RGS8: variants seen among roughly 807,000 people sequenced by gnomAD.
RGS8 encodes the protein regulator of G-protein signaling 8.
Under a neutral mutation model 21.7 loss-of-function variants are expected in RGS8, and 8 were observed. The ratio of observed to expected loss-of-function variants is 0.37; its 90% CI spans 0.22 to 0.66. RGS8 has a LOEUF of 0.66. RGS8 is among the 30% of genes least tolerant of loss of function. The pLI, the probability that RGS8 is intolerant of heterozygous loss-of-function variation, is 0.59. For synonymous variants in RGS8, 80 were observed against 83.6 expected (o/e 0.96, Z 0.24); for missense variants, 157 against 217.9 (o/e 0.72, Z 1.76).
rs573191260 is a variant in RGS8, at chr1:182,665,825, C to T, written c.193+144G>A. On this transcript the variant is annotated intron_variant, in intron 5 of 6. Coordinates refer to ENST00000483095, the Ensembl canonical transcript of RGS8. ...TTCATTTTCTTTTCTATATGCTCCTCTAGGCAGGAGGCTCTGTGAGAGCGG... is the reference window on the plus strand; with the variant it reads ...TTCATTTTCTTTTCTATATGCTCCTTTAGGCAGGAGGCTCTGTGAGAGCGG... The T allele has an allele frequency of 4.0e-4, 243 of 610,316 alleles. 1 individual carries two copies. The highest frequency in any genetic ancestry group is 1.9e-3 in the Middle Eastern group (7 of 3,714). The allele number at this position is 610,316 out of a possible 1,614,324, so 37.8% of individuals were successfully genotyped here.
intron 4 of RGS8, 85 bp downstream of exon 5, chr1:182,666,787 C>A: frequency 1.0e-6 from 1 of 964,818 alleles, no homozygotes; most frequent in Non-Finnish European, 1.7e-6. Context: ...TTTCCAGTGG[C>A]TCATCTGGTC....
chr1:182,739,457 G>A, the RGS8 span, among the ~76,000 whole-genome samples: 13 of 152,234 alleles, frequency 8.5e-5, no homozygotes, highest in Admixed American at 4.6e-4. Context: ...GTTTTTAAAG[G>A]CACACCAGCA....
chr1:182,674,870 A>G (rs1664306218), upstream of RGS8, among the ~76,000 whole-genome samples: 1 of 152,154 alleles, frequency 6.6e-6, no homozygotes, highest in Admixed American at 6.5e-5. Flanking sequence ...ACAGGAACAC[A>G]GTGATTGCAA....
At chr1:182,725,967 T>C in the RGS8 span, among the ~76,000 whole-genome samples, 4 of 152,234 alleles carry the variant, frequency 2.6e-5, no homozygotes, top group Non-Finnish European at 5.9e-5. Flanking sequence ...AGTTAATAAA[T>C]GATGAACACT....
At chr1:182,705,562 T>G in the RGS8 span, among the ~76,000 whole-genome samples, 1 of 135,568 alleles carries the variant, frequency 7.4e-6, no homozygotes, top group African/African-American at 2.9e-5. Context: ...ATCTAGAACA[T>G]GCAGCATTGA....
chr1:182,698,061 T>C, the RGS8 span, among the ~76,000 whole-genome samples: 1 of 152,202 alleles, frequency 6.6e-6, no homozygotes, highest in Non-Finnish European at 1.5e-5. Flanking sequence ...CCCTTGACTT[T>C]TTCTAGAATG....
At chr1:182,722,769 G>A in the RGS8 span, among the ~76,000 whole-genome samples, 6 of 152,076 alleles carry the variant, frequency 3.9e-5, no homozygotes, top group Non-Finnish European at 8.8e-5. Context: ...GAGGTCAGGA[G>A]ATTGAGACCA....
At chr1:182,685,619 G>A (rs558151586), upstream of RGS8, among the ~76,000 whole-genome samples, 2 of 152,280 alleles carry the variant, frequency 1.3e-5, no homozygotes, top group African/African-American at 2.4e-5. Context: ...TGGAGGGAGG[G>A]AACAGGAGGC....
chr1:182,681,937 C>A (rs1014440548), intron 1 of RGS8, among the ~76,000 whole-genome samples: 1 of 152,154 alleles, frequency 6.6e-6, no homozygotes, highest in African/African-American at 2.4e-5. Context: ...AGAACACTGA[C>A]CAATTCCATG....
chr1:182,649,464 C>A (rs949224383), intron 5 of RGS8, among the ~76,000 whole-genome samples: 4 of 152,062 alleles, frequency 2.6e-5, no homozygotes, highest in African/African-American at 7.2e-5. Flanking sequence ...ACCTTTTATT[C>A]CATGTGTCCT....
In RGS8 at chr1:182,669,596, G is replaced by A. The variant is rs989352712; in HGVS notation, c.26+28C>T. 3.0e-5 allele frequency: 49 copies of A among 1,614,080 alleles called. 1 individual carries two copies. Among genetic ancestry groups the A allele is most frequent in the Non-Finnish European group, 1.8e-5 (21 of 1,180,024 alleles). ...TGGAGAAAAGAGGAAAGGGTCAGGG[G>A]CAAGAAAACAGGCCATTGATTCATT... On this transcript the variant is annotated intron_variant, in intron 3 of 6. Coordinates refer to ENST00000483095, the Ensembl canonical transcript of RGS8.
the RGS8 span, among the ~76,000 whole-genome samples, chr1:182,740,548 G>GTTTTTTTTTTTTTTTT: frequency 1.8e-4 from 14 of 75,966 alleles, no homozygotes; most frequent in East Asian, 1.1e-3. Context: ...TTGTTTGTTT[G>GTTTTTTTTTTTTTTTT]TTTTTTTTTT....
intron 5 of RGS8, among the ~76,000 whole-genome samples, chr1:182,653,381 ATT>A (rs796993544): frequency 2.1e-5 from 3 of 144,114 alleles, no homozygotes; most frequent in African/African-American, 7.6e-5. Context: ...GAGGAAAGAG[ATT>A]TTTTTTTTTT....
chr1:182,659,290 C>A (rs1663461069), intron 5 of RGS8, among the ~76,000 whole-genome samples: 1 of 152,134 alleles, frequency 6.6e-6, no homozygotes, highest in African/African-American at 2.4e-5. Context: ...CCTGTATCTG[C>A]AACTATTATA....
upstream of RGS8, among the ~76,000 whole-genome samples, chr1:182,673,215 A>C (rs1320463120): frequency 6.6e-6 from 1 of 152,230 alleles, no homozygotes; most frequent in Non-Finnish European, 1.5e-5. Flanking sequence ...ATGGCTTTAT[A>C]ATAATGGAAA....
chr1:182,697,502 G>A, the RGS8 span, among the ~76,000 whole-genome samples: 2 of 152,204 alleles, frequency 1.3e-5, no homozygotes, highest in South Asian at 2.1e-4. Context: ...GAACCCCTTC[G>A]GCTATTGTTA....
At chr1:182,743,353 C>T in the RGS8 span, among the ~76,000 whole-genome samples, 5 of 152,038 alleles carry the variant, frequency 3.3e-5, no homozygotes, top group Admixed American at 6.6e-5. Flanking sequence ...CATGGAGCAC[C>T]GAGAATTGTA....
upstream of RGS8, among the ~76,000 whole-genome samples, chr1:182,686,096 C>T (rs1055618928): frequency 2.0e-5 from 3 of 152,114 alleles, no homozygotes; most frequent in African/African-American, 7.2e-5. Flanking sequence ...TGTCGACAAG[C>T]AGAGTCGACT....
intron 5 of RGS8, among the ~76,000 whole-genome samples, chr1:182,659,831 A>G (rs1166252021): frequency 6.6e-6 from 1 of 152,092 alleles, no homozygotes; most frequent in Non-Finnish European, 1.5e-5. Context: ...AAAAAAAGGG[A>G]ATATATCAAA....
Sources: gnomAD v4.1 joint callset for allele counts (sites outside exome capture counted in the v4.1 genomes callset) on GRCh38, gnomAD v4.1.1 for gene constraint, MANE v1.5 for transcripts, NCBI Gene and HGNC (gene_info 2026-07-23, HGNC 2026-07-21) for gene names.